NEFM: variants seen among roughly 807,000 people sequenced by gnomAD.
NEFM encodes the protein neurofilament medium chain, also known as neurofilament medium polypeptide.
NEFM carries 16 observed loss-of-function variants against 48.1 expected under a neutral mutation model. That is an observed-to-expected ratio of 0.33 (90% CI 0.23 to 0.51). The LOEUF (loss-of-function observed/expected upper bound fraction) is 0.51, where lower values mean the gene tolerates loss of function less well. Among genes scored for constraint, NEFM ranks in the 20% least tolerant of loss-of-function variants. The probability of loss-of-function intolerance (pLI) is 0.98; values close to 1 mark genes in which losing one functional copy is unlikely to be tolerated. For missense variants in NEFM, 1,107 were observed against 1,136.0 expected (o/e 0.97, Z 0.37); for synonymous variants, 465 against 456.9 (o/e 1.02, Z -0.23).
At position 24,914,389 on chromosome 8, in the gene NEFM, C is replaced by T; in HGVS notation, c.596C>T (p.Thr199Ile). Residue 199 changes from threonine (T) to isoleucine (I), a missense_variant, in exon 1 of 3, where the codon ACT becomes ATT. Thr to Ile is a moderately conservative substitution (Grantham distance 89). Transcript: ENST00000221166. ...GAGGAGGCGCGGTTGCGCGACGACA[C>T]TGAGGCGGCCATCCGCGCGCTGCGC... ...FEEEARLRDD[T>I]EAAIRALRKD... The T allele has an allele frequency of 6.2e-7, 1 of 1,613,614 alleles. No individual in the cohort carries two copies. The highest frequency in any genetic ancestry group is 1.1e-5 in the South Asian group (1 of 91,082).
rs376374254 is a variant in NEFM at position 24,914,584 on chromosome 8, C to T, written c.791C>T (p.Thr264Ile). The T allele has an allele frequency of 1.4e-5, 22 of 1,614,072 alleles. No homozygotes were observed. In the African/African-American group the frequency reaches 2.3e-4, roughly 17 times the overall value. Residue 264 changes from threonine (T) to isoleucine (I), a missense_variant, in exon 1 of 3, where the codon ACA (threonine) becomes ATA (isoleucine). Physicochemically the swap from Thr to Ile is moderately conservative, Grantham distance 89 (BLOSUM62 -1). Around this residue, in one of 3 missense-constraint regions of NEFM, gnomAD observed 917 missense variants for 916.4 expected, o/e 1.00. Transcript: ENST00000221166. ...GTGGAGCGCAAAGACTACCTGAAGACAGACATCTCGACGGCGCTGAAGGAA... is the reference window on the plus strand; with the variant it reads ...GTGGAGCGCAAAGACTACCTGAAGATAGACATCTCGACGGCGCTGAAGGAA... Reference protein sequence around the residue: ...ITVERKDYLKTDISTALKEIR... With the variant: ...ITVERKDYLKIDISTALKEIR...
rs1802584340 is a variant in NEFM at position 24,917,090 on chromosome 8, T to C, written c.1235T>C (p.Phe412Ser). ...CTCCTGGAGGGTGAAGAGACTAGATTTAGCACATTTGCAGGAAGCATCACT... is the reference window on the plus strand; with the variant it reads ...CTCCTGGAGGGTGAAGAGACTAGATCTAGCACATTTGCAGGAAGCATCACT... ...RKLLEGEETR[F>S]STFAGSITGP... The change falls in exon 3 of 3, where the codon TTT becomes TCT. Residue 412 changes from phenylalanine to serine, a missense_variant. By Grantham distance (155) the Phe-to-Ser change is radical. Transcript: ENST00000221166. The C allele has an allele frequency of 6.2e-7, 1 of 1,614,054 alleles. No homozygotes were observed.
rs140995374 is a variant in NEFM, at chr8:24,918,490, G to A, written c.2635G>A (p.Val879Ile). 56 of 1,613,878 alleles carry A rather than the reference G, an allele frequency of 3.5e-5. No individual in the cohort carries two copies. The highest frequency in any genetic ancestry group is 4.2e-5 in the Non-Finnish European group (49 of 1,179,952). ...ATKYITKSVT[V>I]TQKVEEHEET... ...CAAATACATCACTAAATCTGTAACC[G>A]TCACTCAAAAGGTTGAAGAGCATGA... is the stretch of plus-strand genomic sequence containing the variant. Residue 879 changes from valine (V) to isoleucine (I), a missense_variant, in exon 3 of 3, where the codon GTC becomes ATC. Around this residue, in one of 3 missense-constraint regions of NEFM, gnomAD observed 917 missense variants for 916.4 expected, o/e 1.00. Transcript: ENST00000221166.
Position 24,918,580 on chromosome 8 carries a change from G to A in NEFM, c.2725G>A (p.Val909Ile). 6.2e-7 allele frequency: 1 copy of A among 1,612,164 alleles called. No individual in the cohort carries two copies. Among genetic ancestry groups the A allele is most frequent in the Non-Finnish European group, 8.5e-7 (1 of 1,179,818 alleles). ...AGAAAAAGTCACTTCACACGCCATA[G>A]TAAAGGAAGTCACCCAGAGTGACTA... is the stretch of plus-strand genomic sequence containing the variant. ...KVEKVTSHAI[V>I]KEVTQSD Residue 909 changes from valine to isoleucine, a missense_variant, in exon 3 of 3, where the codon GTA becomes ATA. Transcript: ENST00000221166.
chr8:24,917,355 A>G lies in NEFM; in HGVS notation c.1500A>G (p.Glu500=). The G allele has an allele frequency of 6.2e-7, 1 of 1,604,168 alleles. No homozygotes were observed. Among genetic ancestry groups the G allele is most frequent in the Non-Finnish European group, 8.5e-7 (1 of 1,174,694 alleles). ...EAAEEKEEEP[E]AEEEEVAAKK... ...CAGAAGAAAAGGAAGAGGAACCCGAAGCTGAAGAAGAAGAAGTAGCTGCCA... is the reference window on the plus strand; with the variant it reads ...CAGAAGAAAAGGAAGAGGAACCCGAGGCTGAAGAAGAAGAAGTAGCTGCCA... The change falls in exon 3 of 3, where the codon GAA becomes GAG. Residue 500 remains glutamate, a synonymous_variant. Transcript: ENST00000221166.
At chr8:24,914,941 C>T (rs927212475) in intron 1 of NEFM, 68 bp downstream of exon 1, 6 of 1,485,208 alleles carry the variant, frequency 4.0e-6, no homozygotes, top group East Asian at 5.1e-5. Flanking sequence ...CACTTGGGCT[C>T]GTGCCCAGGC....
Position 24,918,428 on chromosome 8 carries a change from T to C in NEFM, c.2573T>C (p.Val858Ala). ...SEEKVVVTKT[V>A]EKITSEGGDG... is the part of the protein sequence containing the mutation. Reference sequence around the variant, plus strand: ...GAGAAAGTGGTGGTGACCAAAACGGTAGAAAAAATCACCAGTGAGGGGGGA... The same window carrying C: ...GAGAAAGTGGTGGTGACCAAAACGGCAGAAAAAATCACCAGTGAGGGGGGA... The change falls in exon 3 of 3, where the codon GTA becomes GCA. Residue 858 changes from valine to alanine, a missense_variant. By Grantham distance (64) the Val-to-Ala change is moderately conservative (BLOSUM62 0). Around this residue, in one of 3 missense-constraint regions of NEFM, gnomAD observed 917 missense variants for 916.4 expected, o/e 1.00. Coordinates refer to ENST00000221166, the MANE Select transcript of NEFM (RefSeq NM_005382.2). 2.5e-6 allele frequency: 4 copies of C among 1,613,582 alleles called. No individual in the cohort carries two copies. Among genetic ancestry groups the C allele is most frequent in the African/African-American group, 1.3e-5 (1 of 74,838 alleles).
rs375988292 is a variant in NEFM at position 24,918,215 on chromosome 8, G to A, written c.2360G>A (p.Gly787Glu). 3.5e-5 allele frequency: 54 copies of A among 1,555,172 alleles called. No homozygotes were observed. Among genetic ancestry groups the A allele is most frequent in the South Asian group, 1.4e-4 (12 of 84,488 alleles). Reference protein sequence around the residue: ...AGGEGGSEEEGSDKGAKGSRK... With the variant: ...AGGEGGSEEEESDKGAKGSRK... Reference sequence around the variant, plus strand: ...GGAGAGGGAGGAAGTGAGGAGGAAGGGAGTGATAAAGGTGCCAAGGGATCC... The same window carrying A: ...GGAGAGGGAGGAAGTGAGGAGGAAGAGAGTGATAAAGGTGCCAAGGGATCC... The change falls in exon 3 of 3, where the codon GGG becomes GAG. Residue 787 changes from glycine (G) to glutamate (E), a missense_variant. By Grantham distance (98) the Gly-to-Glu change is moderately conservative. This residue lies in a region of NEFM where 917 missense variants were observed against 916.4 expected (regional missense o/e 1.00). Transcript: ENST00000221166.
rs758566769 is a variant in NEFM, at chr8:24,917,225, T to C, written c.1370T>C (p.Ile457Thr). The C allele has an allele frequency of 8.1e-6, 13 of 1,613,892 alleles. No individual in the cohort carries two copies. Among genetic ancestry groups the C allele is most frequent in the South Asian group, 7.7e-5 (7 of 91,064 alleles). Reference protein sequence around the residue: ...KVQHKFVEEIIEETKVEDEKS... With the variant: ...KVQHKFVEEITEETKVEDEKS... ...CAACACAAATTTGTCGAGGAGATCA[T>C]AGAGGAAACCAAAGTGGAGGATGAG... Residue 457 changes from isoleucine (I) to threonine (T), a missense_variant, in exon 3 of 3, where the codon ATA (isoleucine) becomes ACA (threonine). Physicochemically the swap from Ile to Thr is moderately conservative, Grantham distance 89 (BLOSUM62 -1). This residue lies in a region of NEFM where 917 missense variants were observed against 916.4 expected (regional missense o/e 1.00). Transcript: ENST00000221166.
At chr8:24,914,898 G>C (rs2117220426) in intron 1 of NEFM, 25 bp downstream of exon 1, 2 of 1,560,504 alleles carry the variant, frequency 1.3e-6, no homozygotes, top group South Asian at 1.2e-5. Flanking sequence ...TGCGCGGCCA[G>C]CCTGCGCCAG....
At chr8:24,915,557 T>A (rs1335224853) in intron 1 of NEFM, 48 bp from the exon 2 acceptor site, 1 of 1,611,884 alleles carries the variant, frequency 6.2e-7, no homozygotes, top group Admixed American at 1.7e-5. Context: ...CGAAGGAAGT[T>A]GCTGTTTGCA....
chr8:24,917,617 G>T lies in NEFM; in HGVS notation c.1762G>T (p.Val588Leu), dbSNP rs899333414. 1 of 1,612,348 alleles carries T rather than the reference G, an allele frequency of 6.2e-7. No homozygotes were observed. Among genetic ancestry groups the T allele is most frequent in the African/African-American group, 1.3e-5 (1 of 74,882 alleles). ...AGCCGAAGCTAAAGAGGAAAAGAAAGTGGAGGAAAAGAGTGAGGAAGTGGC... is the reference window on the plus strand; with the variant it reads ...AGCCGAAGCTAAAGAGGAAAAGAAATTGGAGGAAAAGAGTGAGGAAGTGGC... ...EEAEAKEEKK[V>L]EEKSEEVATK... is the part of the protein sequence containing the mutation. The change falls in exon 3 of 3, where the codon GTG becomes TTG. Residue 588 changes from valine to leucine, a missense_variant. Around this residue, in one of 3 missense-constraint regions of NEFM, gnomAD observed 917 missense variants for 916.4 expected, o/e 1.00. Transcript: ENST00000221166.
In NEFM at chr8:24,918,727, A is replaced by T; in HGVS notation, c.*121A>T. ...CCAGACATTGTATTTTACTTTGTGC[A>T]ATATGAGGGGACTGCATGCAAGCTC... is the stretch of plus-strand genomic sequence containing the variant. On this transcript the variant is annotated 3_prime_UTR_variant, in exon 3 of 3. Transcript: ENST00000221166. 2 of 797,532 alleles carry T rather than the reference A, an allele frequency of 2.5e-6. No homozygotes were observed. Among genetic ancestry groups the T allele is most frequent in the Middle Eastern group, 3.5e-4 (1 of 2,880 alleles). 49.4% of individuals were successfully genotyped at this position (797,532 alleles called of 1,614,324 possible). A position where few individuals can be genotyped will look rare whatever the true frequency, so the allele number is the denominator to read the frequency against.
chr8:24,913,859 G>C lies in NEFM; in HGVS notation c.66G>C (p.Ser22=), dbSNP rs1024996365. ...SAYRRVTETR[S]SFSRVSGSPS... ...ACCGGCGGGTAACCGAGACCCGCTC[G>C]AGCTTCAGCCGCGTCAGCGGCTCCC... The change falls in exon 1 of 3, where the codon TCG becomes TCC. Residue 22 remains serine, a synonymous_variant. Coordinates refer to ENST00000221166, the MANE Select transcript of NEFM (RefSeq NM_005382.2). 1.2e-6 allele frequency: 2 copies of C among 1,608,622 alleles called. No individual in the cohort carries two copies. Among genetic ancestry groups the C allele is most frequent in the South Asian group, 1.1e-5 (1 of 90,498 alleles).
chr8:24,916,977 T>G, intron 2 of NEFM, 84 bp from the exon 3 acceptor site: 1 of 1,085,580 alleles, frequency 9.2e-7, no homozygotes, highest in Non-Finnish European at 1.4e-6. Flanking sequence ...CAAAGGTAGC[T>G]ACCACAATAC....
At chr8:24,915,524 G>A in intron 1 of NEFM, 81 bp from the exon 2 acceptor site, 3 of 1,601,390 alleles carry the variant, frequency 1.9e-6, no homozygotes, top group Non-Finnish European at 2.6e-6. Context: ...GGAGGCCAGG[G>A]GGAAGGGGTA....
chr8:24,916,991 G>A, intron 2 of NEFM, 70 bp from the exon 3 acceptor site: 1 of 1,249,594 alleles, frequency 8.0e-7, no homozygotes. Context: ...ACAATACCCA[G>A]AATGTAATGA....
In NEFM at chr8:24,914,702, C is replaced by T. The variant is rs778417758; in HGVS notation, c.909C>T (p.Ala303=). 1 of 1,614,084 alleles carries T rather than the reference C, an allele frequency of 6.2e-7. No homozygotes were observed. Among genetic ancestry groups the T allele is most frequent in the Non-Finnish European group, 8.5e-7 (1 of 1,180,020 alleles). The change falls in exon 1 of 3, where the codon GCC becomes GCT. Residue 303 remains alanine (A), a synonymous_variant. Transcript: ENST00000221166. The part of the protein sequence containing the change: ...KCRYAKLTEA[A]EQNKEAIRSA... ...GCTACGCCAAGCTCACCGAGGCGGC[C>T]GAGCAGAACAAGGAGGCCATCCGCT...
Position 24,917,897 on chromosome 8 carries a change from C to G in NEFM, c.2042C>G (p.Pro681Arg), listed in dbSNP as rs1405553335. 2 of 1,614,140 alleles carry G rather than the reference C, an allele frequency of 1.2e-6. No homozygotes were observed. The highest frequency in any genetic ancestry group is 1.3e-5 in the African/African-American group (1 of 75,032). ...CCAGTGGAAGAGAAAGCCAAATCTC[C>G]TGTGCCAAAATCACCAGTGGAAGAG... ...KSPVEEKAKSPVPKSPVEEAK... is the reference protein window; with the variant it reads ...KSPVEEKAKSRVPKSPVEEAK... Residue 681 changes from proline (P) to arginine (R), a missense_variant, in exon 3 of 3, where the codon CCT (proline) becomes CGT (arginine). Physicochemically the swap from Pro to Arg is moderately radical, Grantham distance 103. Coordinates refer to ENST00000221166, the MANE Select transcript of NEFM (RefSeq NM_005382.2).
Sources: gnomAD v4.1 joint callset for allele counts on GRCh38, gnomAD v4.1.1 for gene constraint, gnomAD v4.1.1 regional missense constraint, MANE v1.5 for transcripts, NCBI Gene and HGNC (gene_info 2026-07-23, HGNC 2026-07-21) for gene names.